Variants in CFDP1 observed in about 807,000 individuals in gnomAD.
The protein encoded by CFDP1 is heterochromatin-stabilizing protein CFDP1.
A neutral mutation model predicts 40.1 loss-of-function variants in CFDP1; 31 were observed. The observed-to-expected ratio is 0.77, with a 90% CI of 0.58 to 1.04. The LOEUF is 1.04. CFDP1 is among the 50% of genes least tolerant of loss of function. The pLI is 0.00. For missense variants in CFDP1, 423 were observed against 343.4 expected, an observed-to-expected ratio of 1.23 and a Z score of -1.83; for synonymous variants, 167 against 120.0, an observed-to-expected ratio of 1.39 and a Z score of -2.56.
chr16:75,411,710 T>C, intron 4 of CFDP1, 115 bp downstream of exon 4: 1 of 1,103,692 alleles, frequency 9.1e-7, no homozygotes, highest in Non-Finnish European at 1.3e-6. Flanking sequence ...AGTTCAAGTA[T>C]AACTCTCCCA....
rs201225426 is a variant in CFDP1, at chr16:75,363,409, TC to T, written c.650+31680del. 4.3e-3 allele frequency among the ~76,000 whole-genome samples: 649 copies of T among 151,288 alleles called. 6 individuals are homozygous for T. Among genetic ancestry groups the T allele is most frequent in the African/African-American group, 0.015 (620 of 41,068 alleles). ...AAGCACTTTACCTTTTTTTTTTTTT[TC>T]CATGAGATGGTGTCTCGCTCTGTCG... On this transcript the variant is annotated intron_variant, in intron 5 of 6. Coordinates refer to ENST00000283882, the MANE Select transcript of CFDP1 (RefSeq NM_006324.3).
At chr16:75,323,872 T>A (rs2078384334) in intron 5 of CFDP1, among the ~76,000 whole-genome samples, 1 of 152,268 alleles carries the variant, frequency 6.6e-6, no homozygotes, top group Non-Finnish European at 1.5e-5. Context: ...TAGGTTTGTT[T>A]ACACCAGCAT....
chr16:75,314,913 G>T (rs2078314883), intron 5 of CFDP1, among the ~76,000 whole-genome samples: 1 of 152,030 alleles, frequency 6.6e-6, no homozygotes, highest in South Asian at 2.1e-4. Context: ...CACCACACCT[G>T]GCTAACTTTT....
At chr16:75,335,459 G>T in intron 5 of CFDP1, among the ~76,000 whole-genome samples, 1 of 151,934 alleles carries the variant, frequency 6.6e-6, no homozygotes, top group South Asian at 2.1e-4. Context: ...TCCATCCGGA[G>T]AGATTCTCTG....
At chr16:75,332,517 A>C (rs576277180) in intron 5 of CFDP1, among the ~76,000 whole-genome samples, 13 of 151,890 alleles carry the variant, frequency 8.6e-5, no homozygotes, top group African/African-American at 2.9e-4. Context: ...AATAAAATAC[A>C]GTAGCTCGAT....
rs1329089108 is a variant in CFDP1, at chr16:75,412,749, C to T, written c.188G>A (p.Arg63Lys). Reference protein sequence around the residue: ...RKAQSIPARKRRQGGLSLEEE... With the variant: ...RKAQSIPARKKRQGGLSLEEE... ...TTCTAATGAGAGGCCACCTTGTCTTCTCTTCCTAATCACCAGCAGTCACAG... is the reference window on the plus strand; with the variant it reads ...TTCTAATGAGAGGCCACCTTGTCTTTTCTTCCTAATCACCAGCAGTCACAG... The change falls in exon 3 of 7, where the codon AGA becomes AAA. Residue 63 changes from arginine to lysine, a missense_variant. By Grantham distance (26) the Arg-to-Lys change is conservative. Transcript: ENST00000283882. 1.5e-5 allele frequency: 24 copies of T among 1,612,672 alleles called. No individual in the cohort carries two copies. Among genetic ancestry groups the T allele is most frequent in the Non-Finnish European group, 2.0e-5 (24 of 1,179,534 alleles).
At chr16:75,426,136 A>C (rs1307222237) in intron 1 of CFDP1, among the ~76,000 whole-genome samples, 2 of 149,298 alleles carry the variant, frequency 1.3e-5, no homozygotes, top group African/African-American at 5.0e-5. Flanking sequence ...GGATCACCTG[A>C]GGTTGGGAGT....
In CFDP1 at chr16:75,417,331, C is replaced by T. The variant is rs150522727; in HGVS notation, c.65-2636G>A. Among the ~76,000 whole-genome samples the T allele has an allele frequency of 2.0e-3, 304 of 152,248 alleles. 4 individuals carry two copies. The East Asian group carries it at 0.048, about 24-fold the overall frequency. ...ATTAGAAACAACTCAAGTTGTCTCA[C>T]AGTAAGTGACTGGCTGAAAATGCTA... On this transcript the variant is annotated intron_variant, in intron 1 of 6. Transcript: ENST00000283882.
chr16:75,316,371 G>A (rs1295046412), intron 5 of CFDP1, among the ~76,000 whole-genome samples: 2 of 152,062 alleles, frequency 1.3e-5, no homozygotes, highest in Admixed American at 6.6e-5. Flanking sequence ...CTTCGGCTAC[G>A]TCTACAGACA....
chr16:75,331,905 C>T (rs1226938213), intron 5 of CFDP1, among the ~76,000 whole-genome samples: 6 of 152,186 alleles, frequency 3.9e-5, no homozygotes, highest in Non-Finnish European at 4.4e-5. Flanking sequence ...TAAGAACTCT[C>T]ACACGTTATA....
chr16:75,376,648 C>T (rs1459099724), intron 5 of CFDP1, among the ~76,000 whole-genome samples: 1 of 152,142 alleles, frequency 6.6e-6, no homozygotes, highest in African/African-American at 2.4e-5. Flanking sequence ...TCATACTATA[C>T]CTTATCTTGG....
At chr16:75,304,268 A>C (rs980535757) in intron 6 of CFDP1, among the ~76,000 whole-genome samples, 3 of 152,076 alleles carry the variant, frequency 2.0e-5, no homozygotes, top group African/African-American at 7.2e-5. Flanking sequence ...GGGTTTTGCC[A>C]GGTTGGCTAG....
intron 5 of CFDP1, among the ~76,000 whole-genome samples, chr16:75,306,195 C>T (rs370322385): frequency 6.6e-6 from 1 of 152,140 alleles, no homozygotes; most frequent in Non-Finnish European, 1.5e-5. Context: ...GATAATAATA[C>T]CTTTACTTGT....
intron 1 of CFDP1, among the ~76,000 whole-genome samples, chr16:75,432,862 AAC>A (rs1412019170): frequency 6.6e-6 from 1 of 152,098 alleles, no homozygotes; most frequent in Non-Finnish European, 1.5e-5. Flanking sequence ...AGAACTTTCT[AAC>A]AACCAGGCGG....
At chr16:75,308,697 C>T (rs2078274311) in intron 5 of CFDP1, among the ~76,000 whole-genome samples, 1 of 152,216 alleles carries the variant, frequency 6.6e-6, no homozygotes, top group South Asian at 2.1e-4. Flanking sequence ...CATCAGCTCT[C>T]AACAGCCCAA....
intron 5 of CFDP1, among the ~76,000 whole-genome samples, chr16:75,326,417 T>C (rs972437665): frequency 1.3e-5 from 2 of 152,216 alleles, no homozygotes; most frequent in Admixed American, 6.5e-5. Flanking sequence ...CGTCAGAATC[T>C]GCCAGAAAGA....
Position 75,349,682 on chromosome 16 carries a change from A to ATATATATAT in CFDP1, c.651-44501_651-44500insATATATATA, listed in dbSNP as rs60815655. Reference sequence around the variant, plus strand: ...AAAAAAAAAAAAAAAAAAAAAAAAAAAAAAAAAAATATATATACATACATA... The same window carrying ATATATATAT: ...AAAAAAAAAAAAAAAAAAAAAAAAAATATATATATAAAAAAAAATATATATACATACATA... On this transcript the variant is annotated intron_variant, in intron 5 of 6. Transcript: ENST00000283882. Among the ~76,000 whole-genome samples, 6 of 7,402 alleles carry ATATATATAT rather than the reference A, an allele frequency of 8.1e-4. 1 individual carries two copies. In the South Asian group the frequency reaches 0.019, roughly 24 times the overall value. The allele number at this position is 7,402 out of a possible 152,430, so 4.9% of individuals were successfully genotyped here.
intron 5 of CFDP1, among the ~76,000 whole-genome samples, chr16:75,383,836 AAG>A (rs1158675632): frequency 2.6e-4 from 39 of 147,218 alleles, no homozygotes; most frequent in African/African-American, 9.6e-4. Flanking sequence ...AAAAAAAAAA[AAG>A]ATACAGCCCC....
At chr16:75,431,285 C>G (rs548207908) in intron 1 of CFDP1, among the ~76,000 whole-genome samples, 1 of 151,720 alleles carries the variant, frequency 6.6e-6, no homozygotes, top group South Asian at 2.1e-4. Flanking sequence ...AACTTCGTCT[C>G]TACTAAAAAT....
Sources: allele counts gnomAD v4.1 joint callset (sites outside exome capture counted in the v4.1 genomes callset), GRCh38; gene constraint gnomAD v4.1.1; transcripts MANE v1.5; gene names NCBI Gene and HGNC (gene_info 2026-07-23, HGNC 2026-07-21).